The following KCTD19 variants were observed in gnomAD, a reference collection of about 807,000 sequenced individuals.
The protein encoded by KCTD19 is BTB/POZ domain-containing protein KCTD19.
A neutral mutation model predicts 103.5 loss-of-function variants in KCTD19; 67 were observed. The ratio of observed to expected loss-of-function variants is 0.65; its 90% CI spans 0.53 to 0.79. The LOEUF (loss-of-function observed/expected upper bound fraction) is 0.79, where lower values mean the gene tolerates loss of function less well. Among genes scored for constraint, KCTD19 ranks in the 30% least tolerant of loss-of-function variants. The probability of loss-of-function intolerance (pLI) is 0.00; values close to 1 mark genes in which losing one functional copy is unlikely to be tolerated. For missense variants in KCTD19, 980 were observed against 1,136.1 expected (o/e 0.86, Z 1.98); for synonymous variants, 439 against 452.2 (o/e 0.97, Z 0.37).
Position 67,295,374 on chromosome 16 carries a change from ACT to A in KCTD19, c.1278_1279del (p.Arg426SerfsTer36). The A allele has an allele frequency of 6.2e-7, 1 of 1,613,400 alleles. No individual in the cohort carries two copies. The highest frequency in any genetic ancestry group is 2.2e-5 in the East Asian group (1 of 44,844). ...GGTTTGTCCATATGTGATCCAGTAC[ACT>A]CTCTGAGGGTTGGACAGCAGTTCTG... is the stretch of plus-strand genomic sequence containing the variant. On this transcript the variant is annotated frameshift_variant, in exon 9 of 16. Coordinates refer to ENST00000304372, the MANE Select transcript of KCTD19 (RefSeq NM_001100915.3). LOFTEE classifies it high-confidence loss of function.
intron 2 of KCTD19, among the ~76,000 whole-genome samples, chr16:67,307,315 A>ATTTTT (rs149670849): frequency 7.2e-6 from 1 of 138,934 alleles, no homozygotes; most frequent in Non-Finnish European, 1.6e-5. Flanking sequence ...CACCCTGCTA[A>ATTTTT]TTTTTTTTTT....
chr16:67,299,680 C>T lies in KCTD19; in HGVS notation c.776-107G>A, dbSNP rs1243985689. ...CTGCCTCCATTGTACCGAGGAGGCTCAGAGGAAGGATATTTCTTTGCACAG... is the reference window on the plus strand; with the variant it reads ...CTGCCTCCATTGTACCGAGGAGGCTTAGAGGAAGGATATTTCTTTGCACAG... On this transcript the variant is annotated intron_variant, in intron 5 of 15. Transcript: ENST00000304372. 6 of 842,614 alleles carry T rather than the reference C, an allele frequency of 7.1e-6. No homozygotes were observed. The Admixed American group carries it at 7.7e-5, about 11-fold the overall frequency. The allele number at this position is 842,614 out of a possible 1,614,324, so 52.2% of individuals were successfully genotyped here. A position where few individuals can be genotyped will look rare whatever the true frequency, so the allele number is the denominator to read the frequency against.
chr16:67,299,280 G>C, intron 6 of KCTD19, 83 bp downstream of exon 6: 1 of 1,314,648 alleles, frequency 7.6e-7, no homozygotes, highest in Non-Finnish European at 1.1e-6. Context: ...CCTCTGGCTA[G>C]TGGGAAAGGC....
At chr16:67,322,735 T>C (rs148100466) in intron 1 of KCTD19, among the ~76,000 whole-genome samples, 1 of 152,302 alleles carries the variant, frequency 6.6e-6, no homozygotes, top group Non-Finnish European at 1.5e-5. Context: ...TTAAAAACAT[T>C]TGTGCTTTAG....
chr16:67,304,810 C>T (rs547205753), intron 2 of KCTD19, among the ~76,000 whole-genome samples: 59 of 152,112 alleles, frequency 3.9e-4, no homozygotes, highest in African/African-American at 1.4e-3. Context: ...ATTACAGGCA[C>T]CTGCCACCAC....
intron 11 of KCTD19, 109 bp downstream of exon 11, chr16:67,294,471 C>A (rs2036740732): frequency 9.0e-6 from 7 of 781,276 alleles, no homozygotes; most frequent in Non-Finnish European, 1.5e-5. Flanking sequence ...GTAGGCTCTG[C>A]TCTTTCATTT....
intron 10 of KCTD19, 47 bp from the exon 11 acceptor site, chr16:67,294,741 G>A: frequency 1.5e-6 from 2 of 1,334,808 alleles, no homozygotes; most frequent in South Asian, 2.3e-5. Context: ...ACTTCCATCA[G>A]GCCATTGGCC....
intron 1 of KCTD19, chr16:67,322,069 G>A (rs1309864866): frequency 6.6e-6 from 1 of 152,146 alleles, no homozygotes; most frequent in Non-Finnish European, 1.5e-5. Flanking sequence ...AAGTGGAATA[G>A]AATTGAGAGT....
rs564880835 is a variant in KCTD19 at position 67,308,013 on chromosome 16, A to C, written c.301-3442T>G. Among the ~76,000 whole-genome samples the C allele has an allele frequency of 2.0e-5, 3 of 151,970 alleles. No individual in the cohort carries two copies. The South Asian group carries it at 6.3e-4, about 32-fold the overall frequency. On this transcript the variant is annotated intron_variant, in intron 2 of 15. Transcript: ENST00000304372. ...AACTTCTCCAAGCCTCAGGTTCCTC[A>C]CTGGCAAAGTGGAGGCAGTAAAATC...
intron 3 of KCTD19, 123 bp downstream of exon 3, chr16:67,304,298 G>A: frequency 1.0e-6 from 1 of 953,986 alleles, no homozygotes; most frequent in South Asian, 1.5e-5. Context: ...GATCAAAGGA[G>A]ATGACAGAGA....
rs372021296 is a variant in KCTD19 at position 67,291,697 on chromosome 16, C to G, written c.2359G>C (p.Glu787Gln). The G allele has an allele frequency of 2.0e-5, 33 of 1,613,968 alleles. No homozygotes were observed. The highest frequency in any genetic ancestry group is 1.0e-4 in the Admixed American group (6 of 59,992). Residue 787 changes from glutamate (E) to glutamine (Q), a missense_variant, in exon 13 of 16, where the codon GAG becomes CAG. Transcript: ENST00000304372. The stretch of plus-strand genomic sequence containing the variant: ...GTTGTGTGCCTGAGGTTGTCCATCT[C>G]CGTGGTATAGATGATGCTGTCCTCA... ...FFEDSIIYTT[E>Q]MDNLRHTTPT...
At chr16:67,302,137 G>C in intron 4 of KCTD19, 1 of 458,444 alleles carries the variant, frequency 2.2e-6, no homozygotes, top group East Asian at 4.4e-5. Context: ...TGAGGCCGTG[G>C]GTGTGGCCTC....
rs751098440 is a variant in KCTD19, at chr16:67,294,643, C to T, written c.1527G>A (p.Arg509=). The T allele has an allele frequency of 1.1e-5, 17 of 1,614,158 alleles. No individual in the cohort carries two copies. Among genetic ancestry groups the T allele is most frequent in the African/African-American group, 1.3e-5 (1 of 75,042 alleles). The change falls in exon 11 of 16, where the codon AGG becomes AGA. Residue 509 remains arginine, a synonymous_variant. Coordinates refer to ENST00000304372, the MANE Select transcript of KCTD19 (RefSeq NM_001100915.3). Reference sequence around the variant, plus strand: ...GCCCTTCTGTCACCACATGCAGCCTCCTGATGGAAAAAGCTTCTTCATTTT... The same window carrying T: ...GCCCTTCTGTCACCACATGCAGCCTTCTGATGGAAAAAGCTTCTTCATTTT... The part of the protein sequence containing the change: ...ESENEEAFSI[R]RLHVVTEGPG...
chr16:67,291,738 C>T lies in KCTD19; in HGVS notation c.2318G>A (p.Gly773Asp), dbSNP rs2036698877. The T allele has an allele frequency of 1.2e-6, 2 of 1,614,144 alleles. No homozygotes were observed. The highest frequency in any genetic ancestry group is 1.7e-6 in the Non-Finnish European group (2 of 1,180,006). Residue 773 changes from glycine (G) to aspartate (D), a missense_variant, in exon 13 of 16, where the codon GGC (glycine) becomes GAC (aspartate). Transcript: ENST00000304372. ...VTHPPVVGSD[G>D]FCMFFEDSII... The stretch of plus-strand genomic sequence containing the variant: ...GCTGTCCTCAAAGAACATGCAGAAG[C>T]CATCGCTGCCCACCACGGGGGGGTG...
chr16:67,326,698 T>G lies in KCTD19; in HGVS notation c.3+7A>C. The G allele has an allele frequency of 6.3e-7, 1 of 1,581,482 alleles. No homozygotes were observed. Among genetic ancestry groups the G allele is most frequent in the South Asian group, 1.1e-5 (1 of 89,134 alleles). On this transcript the variant is annotated splice_region_variant and intron_variant, in intron 1 of 15. Coordinates refer to ENST00000304372, the MANE Select transcript of KCTD19 (RefSeq NM_001100915.3). ...TTTTGGCGCCCCCGCCAGAGCGGGCTCCGTACCATGGTCGCGGCTCCAGCA... is the reference window on the plus strand; with the variant it reads ...TTTTGGCGCCCCCGCCAGAGCGGGCGCCGTACCATGGTCGCGGCTCCAGCA...
chr16:67,295,814 A>G, intron 8 of KCTD19: 1 of 349,178 alleles, frequency 2.9e-6, no homozygotes, highest in South Asian at 3.1e-5. Context: ...GCGCGATCTC[A>G]GCTCACTGCA....
rs779256614 is a variant in KCTD19, at chr16:67,299,527, C to A, written c.822G>T (p.Gly274=). The change falls in exon 6 of 16, where the codon GGG becomes GGT. Residue 274 remains glycine (G), a synonymous_variant. Coordinates refer to ENST00000304372, the MANE Select transcript of KCTD19 (RefSeq NM_001100915.3). The stretch of plus-strand genomic sequence containing the variant: ...CGGACTCCAGGCTGGCTGTGCGGGC[C>A]CCCTTCCCGGGGCTCAGGGGAGAAC... ...TTCSPLSPGK[G]ARTASLESVK... 1.2e-6 allele frequency: 2 copies of A among 1,614,038 alleles called. No individual in the cohort carries two copies. The highest frequency in any genetic ancestry group is 1.7e-5 in the Admixed American group (1 of 60,024).
chr16:67,289,504 T>C lies in KCTD19; in HGVS notation c.*65A>G. On this transcript the variant is annotated 3_prime_UTR_variant, in exon 16 of 16. Coordinates refer to ENST00000304372, the MANE Select transcript of KCTD19 (RefSeq NM_001100915.3). ...TACCCTCTGATGGGCACATGCATTCTGGGCTATCTCCAATTAAAATGAGAC... is the reference window on the plus strand; with the variant it reads ...TACCCTCTGATGGGCACATGCATTCCGGGCTATCTCCAATTAAAATGAGAC... The C allele has an allele frequency of 1.1e-6, 1 of 927,206 alleles. No homozygotes were observed. The highest frequency in any genetic ancestry group is 1.8e-6 in the Non-Finnish European group (1 of 560,922). The allele number at this position is 927,206 out of a possible 1,614,324, so 57.4% of individuals were successfully genotyped here.
Position 67,303,314 on chromosome 16 carries a change from C to G in KCTD19, c.475G>C (p.Gly159Arg). Residue 159 changes from glycine (G) to arginine (R), a missense_variant, in exon 4 of 16, where the codon GGG (glycine) becomes CGG (arginine). Transcript: ENST00000304372. This position sits in a 1 kb window ranked among gnomAD's most constrained non-coding sequence, Gnocchi z 4.3. ...TCTAACAGGGGTGTGTCCATGAGCC[C>G]CAGAGGTGCCTTATCATGTAGGCCT... ...FTGLHDKAPL[G>R]LMDTPLLDTE... 6.2e-7 allele frequency: 1 copy of G among 1,612,782 alleles called. No homozygotes were observed. The highest frequency in any genetic ancestry group is 8.5e-7 in the Non-Finnish European group (1 of 1,179,350).
Sources: gnomAD v4.1 joint callset for allele counts (sites outside exome capture counted in the v4.1 genomes callset) on GRCh38, gnomAD v4.1.1 for gene constraint, Gnocchi (gnomAD v3.1) non-coding constraint, MANE v1.5 for transcripts, NCBI Gene and HGNC (gene_info 2026-07-23, HGNC 2026-07-21) for gene names.